TRPM3: variants seen among roughly 807,000 people sequenced by gnomAD.
TRPM3 encodes long transient receptor potential channel 3.
TRPM3 carries 77 observed loss-of-function variants against 181.2 expected under a neutral mutation model. The ratio of observed to expected loss-of-function variants is 0.42; its 90% CI spans 0.35 to 0.51. TRPM3 has a LOEUF of 0.51. Among genes scored for constraint, TRPM3 ranks in the 20% least tolerant of loss-of-function variants. TRPM3 has a pLI of 0.01. For missense variants in TRPM3, 1,759 were observed against 2,196.7 expected (o/e 0.80, Z 3.98); for synonymous variants, 745 against 796.4 (o/e 0.94, Z 1.09).
At chr9:71,340,385 T>C (rs2090875425) in intron 1 of TRPM3, among the ~76,000 whole-genome samples, 1 of 152,094 alleles carries the variant, frequency 6.6e-6, no homozygotes, top group South Asian at 2.1e-4. Context: ...CCCACCCAAA[T>C]CTCATCTTGA....
chr9:71,065,934 G>T (rs1050581778), intron 1 of TRPM3, among the ~76,000 whole-genome samples: 3 of 152,086 alleles, frequency 2.0e-5, no homozygotes, highest in Non-Finnish European at 2.9e-5. Flanking sequence ...TAAGAGAAGA[G>T]ATCAAAAATC....
chr9:70,825,600 G>C (rs2093502468), intron 6 of TRPM3: 1 of 152,244 alleles, frequency 6.6e-6, no homozygotes, highest in South Asian at 2.1e-4. Flanking sequence ...CTAGTATCGG[G>C]TGGTGACTCC....
intron 8 of TRPM3, among the ~76,000 whole-genome samples, chr9:70,683,864 G>A (rs780980841): frequency 3.3e-5 from 5 of 152,162 alleles, no homozygotes; most frequent in Non-Finnish European, 7.3e-5. Context: ...GGGGTCCACT[G>A]GAGAAAGAAC....
chr9:71,268,147 G>A (rs1443952173), intron 1 of TRPM3, among the ~76,000 whole-genome samples: 2 of 152,144 alleles, frequency 1.3e-5, no homozygotes, highest in Admixed American at 6.6e-5. Context: ...TTGGGAGACC[G>A]AAGCAGTTGG....
chr9:70,872,981 A>G (rs541280515), intron 1 of TRPM3, among the ~76,000 whole-genome samples: 3 of 152,132 alleles, frequency 2.0e-5, no homozygotes, highest in African/African-American at 7.2e-5. Context: ...TTAATATACA[A>G]TACACAAGGA....
At chr9:70,550,600 AG>A (rs1406828558) in intron 24 of TRPM3, among the ~76,000 whole-genome samples, 2 of 152,248 alleles carry the variant, frequency 1.3e-5, no homozygotes, top group Admixed American at 1.3e-4. Flanking sequence ...TTTATGAATC[AG>A]GGTTATGGGG....
intron 1 of TRPM3, among the ~76,000 whole-genome samples, chr9:71,168,762 A>G (rs567677697): frequency 1.2e-3 from 178 of 151,128 alleles, no homozygotes; most frequent in Middle Eastern, 3.4e-3. Context: ...TTATATTTTT[A>G]AAGGTCATAA....
chr9:70,563,958 A>T (rs1318551818), intron 22 of TRPM3, among the ~76,000 whole-genome samples: 1 of 151,792 alleles, frequency 6.6e-6, no homozygotes, highest in Non-Finnish European at 1.5e-5. Flanking sequence ...TATTGAACCT[A>T]CTCTGTGTAG....
At chr9:71,203,764 C>G (rs1314887313) in intron 1 of TRPM3, among the ~76,000 whole-genome samples, 3 of 152,166 alleles carry the variant, frequency 2.0e-5, no homozygotes, top group Non-Finnish European at 2.9e-5. Context: ...GAGCTTTATA[C>G]AAGTATTGGC....
At chr9:71,137,236 A>G (rs2074822788) in intron 1 of TRPM3, among the ~76,000 whole-genome samples, 1 of 152,202 alleles carries the variant, frequency 6.6e-6, no homozygotes, top group Non-Finnish European at 1.5e-5. Context: ...AGAAAAAGGT[A>G]CTTCTTCAAA....
intron 1 of TRPM3, among the ~76,000 whole-genome samples, chr9:71,445,027 G>A (rs1224332017): frequency 6.6e-6 from 1 of 152,182 alleles, no homozygotes; most frequent in Non-Finnish European, 1.5e-5. Context: ...TTAGCAAACA[G>A]GAGGACATAG....
intron 1 of TRPM3, among the ~76,000 whole-genome samples, chr9:71,060,297 T>C (rs958339085): frequency 6.6e-6 from 1 of 152,022 alleles, no homozygotes; most frequent in Non-Finnish European, 1.5e-5. Flanking sequence ...GCCTCAAAGC[T>C]CCTATCCAGC....
chr9:71,429,175 T>TAA lies in TRPM3; in HGVS notation c.183+17476_183+17477dup, dbSNP rs1399279475. ...CTACCTTTCATATTCTTCAGAGGGA[T>TAA]AAGAGTAAATGTTTTTTCTGGTAGC... On this transcript the variant is annotated intron_variant, in intron 1 of 24. Transcript: ENST00000357533. Among the ~76,000 whole-genome samples, 3 of 152,148 alleles carry TAA rather than the reference T, an allele frequency of 2.0e-5. No homozygotes were observed. The East Asian group carries it at 5.8e-4, about 29-fold the overall frequency.
chr9:70,910,724 T>C (rs1032440624), intron 1 of TRPM3, among the ~76,000 whole-genome samples: 1 of 152,206 alleles, frequency 6.6e-6, no homozygotes, highest in African/African-American at 2.4e-5. Context: ...AAATGGCAGC[T>C]AAAAGCACTT....
chr9:71,113,661 A>T (rs2134248849), intron 1 of TRPM3, among the ~76,000 whole-genome samples: 1 of 152,334 alleles, frequency 6.6e-6, no homozygotes, highest in East Asian at 1.9e-4. Flanking sequence ...CCCTTAAAAA[A>T]TAATTATAAA....
rs879551041 is a variant in TRPM3 at position 71,247,775 on chromosome 9, A to G, written c.183+198878T>C. On this transcript the variant is annotated intron_variant, in intron 1 of 24. Transcript: ENST00000357533. The stretch of plus-strand genomic sequence containing the variant: ...TCAGACTCCTTTCTGCTGCTTAGTC[A>G]TTAGTGATGGTCTAGAATTATCATC... Among the ~76,000 whole-genome samples, 7 of 152,208 alleles carry G rather than the reference A, an allele frequency of 4.6e-5. No individual in the cohort carries two copies. The East Asian group carries it at 7.7e-4, about 17-fold the overall frequency.
In TRPM3 at chr9:71,264,410, T is replaced by C. The variant is rs73647992; in HGVS notation, c.183+182243A>G. On this transcript the variant is annotated intron_variant, in intron 1 of 24. Coordinates refer to the TRPM3 transcript ENST00000357533. ...CTAAAATATACAAAATTTTCATTTA[T>C]CAATTACACTTCATTAAAGCTGGGG... Among the ~76,000 whole-genome samples, 1,060 of 152,258 alleles carry C rather than the reference T, an allele frequency of 7.0e-3. 16 individuals carry two copies. The highest frequency in any genetic ancestry group is 0.024 in the African/African-American group (1,008 of 41,522).
chr9:70,788,803 C>A (rs2084577209), intron 6 of TRPM3, among the ~76,000 whole-genome samples: 1 of 152,086 alleles, frequency 6.6e-6, no homozygotes, highest in Non-Finnish European at 1.5e-5. Flanking sequence ...TCATAAGGAG[C>A]ACGCAACCTA....
chr9:70,610,485 C>T lies in TRPM3; in HGVS notation c.2667+124G>A, dbSNP rs7864641. The T allele has an allele frequency of 8.2e-3, 10,150 of 1,241,038 alleles. 564 individuals carry two copies. The African/African-American group carries it at 0.13, about 16-fold the overall frequency. 76.9% of individuals were successfully genotyped at this position (1,241,038 alleles called of 1,614,324 possible). A position where few individuals can be genotyped will look rare whatever the true frequency, so the allele number is the denominator to read the frequency against. ...TGCAGAGCTATTGAAAAAGCAAGGT[C>T]ACAGAACTTTCACTCCTGTGTGTGG... On this transcript the variant is annotated intron_variant, in intron 19 of 25. Coordinates refer to ENST00000677713, the MANE Select transcript of TRPM3 (RefSeq NM_001366145.2).
Sources: gnomAD v4.1 joint callset for allele counts (sites outside exome capture counted in the v4.1 genomes callset) on GRCh38, gnomAD v4.1.1 for gene constraint, MANE v1.5 for transcripts, NCBI Gene and HGNC (gene_info 2026-07-23, HGNC 2026-07-21) for gene names.